TUNAR: variants seen among roughly 807,000 people sequenced by gnomAD.
TUNAR encodes protein TUNAR.
chr14:95,876,791 C>T (rs2139647882), intron 1 of TUNAR, 41 bp from the exon 1 acceptor site: 1 of 152,256 alleles, frequency 6.6e-6, no homozygotes, highest in Admixed American at 6.5e-5. Context: ...GCGCCCGGCC[C>T]CCGCGGGGTG....
intron 2 of TUNAR, among the ~76,000 whole-genome samples, chr14:95,877,828 C>T (rs867905623): frequency 6.6e-6 from 1 of 152,238 alleles, no homozygotes; most frequent in Non-Finnish European, 1.5e-5. Context: ...TCCATCCTGC[C>T]ATCACGCTGC....
At chr14:95,922,845 A>G in exon 3 of TUNAR, 1 of 399,114 alleles carries the variant, frequency 2.5e-6, no homozygotes. Flanking sequence ...GAAAATGATG[A>G]AGACAGAGGA....
At chr14:95,906,733 C>A (rs1725654814) in intron 2 of TUNAR, among the ~76,000 whole-genome samples, 1 of 152,110 alleles carries the variant, frequency 6.6e-6, no homozygotes, top group South Asian at 2.1e-4. Context: ...TTTGGGTTTC[C>A]TTCCGGTCTT....
At chr14:95,911,366 G>A (rs1889511396) in intron 2 of TUNAR, among the ~76,000 whole-genome samples, 1 of 152,194 alleles carries the variant, frequency 6.6e-6, no homozygotes, top group Non-Finnish European at 1.5e-5. Context: ...TGCCCTCTCT[G>A]CAGTGCCCTG....
intron 2 of TUNAR, among the ~76,000 whole-genome samples, chr14:95,907,969 G>T (rs187121267): frequency 8.1e-4 from 124 of 152,334 alleles, no homozygotes; most frequent in African/African-American, 2.9e-3. Context: ...GAGGAAGTGT[G>T]TGTCAGTTGG....
chr14:95,909,415 C>G (rs1383963082), intron 2 of TUNAR, among the ~76,000 whole-genome samples: 1 of 151,718 alleles, frequency 6.6e-6, no homozygotes, highest in Non-Finnish European at 1.5e-5. Flanking sequence ...TCCCGAGTAG[C>G]TGGGACTTCG....
intron 2 of TUNAR, among the ~76,000 whole-genome samples, chr14:95,877,809 C>T (rs936333271): frequency 6.6e-6 from 1 of 152,238 alleles, no homozygotes; most frequent in Non-Finnish European, 1.5e-5. Context: ...CTGTAGCAAG[C>T]ACTTTTTGTC....
At chr14:95,891,299 GAC>G (rs1799433114) in intron 2 of TUNAR, among the ~76,000 whole-genome samples, 1 of 152,186 alleles carries the variant, frequency 6.6e-6, no homozygotes, top group Non-Finnish European at 1.5e-5. Flanking sequence ...CGAGTCTGAA[GAC>G]ACAGGCTGCC....
At chr14:95,883,223 C>T (rs1445912931) in intron 2 of TUNAR, among the ~76,000 whole-genome samples, 4 of 152,330 alleles carry the variant, frequency 2.6e-5, no homozygotes, top group South Asian at 2.1e-4. Flanking sequence ...AACATTGCTT[C>T]GGTCTGAAAA....
At chr14:95,906,299 C>T (rs929844948) in intron 2 of TUNAR, among the ~76,000 whole-genome samples, 6 of 152,182 alleles carry the variant, frequency 3.9e-5, no homozygotes, top group Non-Finnish European at 8.8e-5. Flanking sequence ...TGCGTGCACA[C>T]TCATCTGTAT....
chr14:95,922,142 T>G (rs1889707136), intron 2 of TUNAR, among the ~76,000 whole-genome samples: 1 of 152,244 alleles, frequency 6.6e-6, no homozygotes, highest in Admixed American at 6.5e-5. Flanking sequence ...TGTTCACTTT[T>G]CTAGCTAATG....
rs73338753 is a variant in TUNAR at position 95,905,180 on chromosome 14, C to T, written c.13-17601C>T. ...CATTTCCGCACCCAGTGGCCCCTCCCGTGAACATCTTATATAACCTGAGTG... is the reference window on the plus strand; with the variant it reads ...CATTTCCGCACCCAGTGGCCCCTCCTGTGAACATCTTATATAACCTGAGTG... On this transcript the variant is annotated intron_variant, in intron 2 of 2. Transcript: ENST00000678517. 5.3e-5 allele frequency among the ~76,000 whole-genome samples: 8 copies of T among 152,254 alleles called. 1 individual carries two copies. In the South Asian group the frequency reaches 6.2e-4, roughly 12 times the overall value.
intron 2 of TUNAR, among the ~76,000 whole-genome samples, chr14:95,887,964 A>G (rs1373215284): frequency 2.6e-5 from 4 of 152,366 alleles, no homozygotes; most frequent in South Asian, 2.1e-4. Flanking sequence ...TGTGCCTACA[A>G]TCTCACCATT....
chr14:95,881,252 A>G (rs74085726), intron 2 of TUNAR, among the ~76,000 whole-genome samples: 2,810 of 152,330 alleles, frequency 0.018, 53 homozygotes, highest in East Asian at 0.08. Context: ...GAGGTCAAAC[A>G]TGTCGATTTC....
intron 2 of TUNAR, among the ~76,000 whole-genome samples, chr14:95,894,200 A>C (rs552091175): frequency 4.6e-5 from 7 of 152,346 alleles, no homozygotes; most frequent in South Asian, 4.1e-4. Context: ...TTTGAGGAGA[A>C]AGAACACATC....
intron 2 of TUNAR, among the ~76,000 whole-genome samples, chr14:95,916,893 G>A (rs1467195021): frequency 6.6e-6 from 1 of 152,032 alleles, no homozygotes; most frequent in East Asian, 1.9e-4. Flanking sequence ...GCTTCTTTAC[G>A]GCTGTTTACT....
intron 2 of TUNAR, among the ~76,000 whole-genome samples, chr14:95,888,058 G>A (rs373071805): frequency 1.6e-4 from 24 of 152,288 alleles, no homozygotes; most frequent in African/African-American, 5.1e-4. Context: ...GCTGTTCTTC[G>A]AGTCAGATTG....
chr14:95,906,125 C>T (rs147161340), intron 2 of TUNAR, among the ~76,000 whole-genome samples: 1 of 152,144 alleles, frequency 6.6e-6, no homozygotes. Context: ...TTCCTCAACT[C>T]TGGAATCAAC....
At chr14:95,892,522 T>C (rs1427135833) in intron 2 of TUNAR, among the ~76,000 whole-genome samples, 1 of 152,228 alleles carries the variant, frequency 6.6e-6, no homozygotes, top group Non-Finnish European at 1.5e-5. Context: ...CATTTTGACC[T>C]CAGGGTGGCT....
Sources: gnomAD v4.1 joint callset for allele counts (sites outside exome capture counted in the v4.1 genomes callset) on GRCh38, gnomAD v4.1.1 for gene constraint, MANE v1.5 for transcripts, NCBI Gene and HGNC (gene_info 2026-07-23, HGNC 2026-07-21) for gene names.